Variants in EYS observed in about 807,000 individuals in gnomAD.
The protein encoded by EYS is EGF-like photoreceptor maintenance factor, also known as protein eyes shut homolog.
Under a neutral mutation model 282.1 loss-of-function variants are expected in EYS, and 250 were observed. The ratio of observed to expected loss-of-function variants is 0.89; its 90% CI spans 0.80 to 0.98. EYS has a LOEUF of 0.98. Ranked by LOEUF, EYS falls within the 50% of genes least tolerant of loss-of-function variation. EYS has a pLI of 0.00. For synonymous variants in EYS, 1,355 were observed against 1,282.9 expected, an observed-to-expected ratio of 1.06 and a Z score of -1.20; for missense variants, 4,016 against 3,709.0, an observed-to-expected ratio of 1.08 and a Z score of -2.15.
intron 32 of EYS, 106 bp downstream of exon 32, chr6:64,081,750 C>T: frequency 1.0e-6 from 1 of 975,038 alleles, no homozygotes; most frequent in Admixed American, 3.3e-5. Flanking sequence ...ATGCACTGGT[C>T]TGGAAAAATT....
chr6:64,031,141 T>C (rs945348064), intron 33 of EYS, among the ~76,000 whole-genome samples: 4 of 152,226 alleles, frequency 2.6e-5, no homozygotes, highest in African/African-American at 9.6e-5. Context: ...TCCCTCAGCT[T>C]GCGGGGAGGT....
chr6:64,742,122 C>A (rs1284837014), intron 22 of EYS, among the ~76,000 whole-genome samples: 3 of 152,100 alleles, frequency 2.0e-5, no homozygotes, highest in Non-Finnish European at 4.4e-5. Context: ...GTAACTCTTT[C>A]TTTCACCTAA....
At chr6:64,493,660 T>A (rs546100787) in intron 26 of EYS, among the ~76,000 whole-genome samples, 167 of 151,632 alleles carry the variant, frequency 1.1e-3, no homozygotes, top group Non-Finnish European at 2.0e-3. Flanking sequence ...TCTTTTTTTT[T>A]AATTATACTT....
rs376232956 is a variant in EYS at position 65,250,769 on chromosome 6, G to A, written c.2023+45094C>T. Among the ~76,000 whole-genome samples, 49 of 151,500 alleles carry A rather than the reference G, an allele frequency of 3.2e-4. 2 individuals are homozygous for A. In the East Asian group the frequency reaches 5.0e-3, roughly 16 times the overall value. ...TCAAAATAAGAGATAGATATTTTAA[G>A]TCCAAGAGATATATCCTTTTGCAAG... On this transcript the variant is annotated intron_variant, in intron 12 of 42. Transcript: ENST00000503581.
chr6:64,410,420 C>T (rs575367398), intron 28 of EYS, among the ~76,000 whole-genome samples: 22 of 152,224 alleles, frequency 1.4e-4, no homozygotes, highest in African/African-American at 5.1e-4. Context: ...TATTGGGAAT[C>T]TTCATGTCCA....
chr6:65,510,772 A>G (rs978613693), intron 2 of EYS, among the ~76,000 whole-genome samples: 1 of 152,228 alleles, frequency 6.6e-6, no homozygotes, highest in Admixed American at 6.5e-5. Context: ...TATCAAAATA[A>G]GGCATGTATG....
At chr6:64,323,723 A>G (rs557371493) in intron 29 of EYS, among the ~76,000 whole-genome samples, 2 of 152,232 alleles carry the variant, frequency 1.3e-5, no homozygotes, top group East Asian at 3.9e-4. Context: ...CTAAATGTCC[A>G]TCTACAAGAT....
intron 22 of EYS, among the ~76,000 whole-genome samples, chr6:64,651,447 G>A (rs1768556200): frequency 1.3e-5 from 2 of 152,008 alleles, no homozygotes; most frequent in Non-Finnish European, 2.9e-5. Context: ...AGAGGGAGAG[G>A]GAAGAGAGAA....
intron 14 of EYS, among the ~76,000 whole-genome samples, chr6:64,953,889 G>A (rs187818826): frequency 1.3e-5 from 2 of 151,978 alleles, no homozygotes; most frequent in Admixed American, 6.6e-5. Context: ...ACATGGTAGA[G>A]GAAGATAATA....
chr6:65,085,977 A>AT (rs1441116720), intron 12 of EYS, among the ~76,000 whole-genome samples: 9 of 149,274 alleles, frequency 6.0e-5, no homozygotes, highest in East Asian at 4.0e-4. Context: ...CTATAAAAAC[A>AT]TTTTTTTGTC....
chr6:63,777,248 A>G (rs1344060925), intron 40 of EYS, among the ~76,000 whole-genome samples: 1 of 152,138 alleles, frequency 6.6e-6, no homozygotes, highest in Admixed American at 6.6e-5. Context: ...TTTTAAAACT[A>G]TGCTTTCTTC....
At chr6:65,509,816 C>T (rs1766795293) in intron 2 of EYS, among the ~76,000 whole-genome samples, 1 of 152,032 alleles carries the variant, frequency 6.6e-6, no homozygotes, top group African/African-American at 2.4e-5. Flanking sequence ...GTTTGTTTCC[C>T]CACTGTAGAC....
chr6:64,618,154 A>T (rs1167675104), intron 23 of EYS, among the ~76,000 whole-genome samples: 1 of 152,192 alleles, frequency 6.6e-6, no homozygotes, highest in African/African-American at 2.4e-5. Flanking sequence ...GATTGTATGT[A>T]TTTTGTTTGG....
intron 31 of EYS, among the ~76,000 whole-genome samples, chr6:64,213,800 C>T (rs192052327): frequency 3.2e-4 from 48 of 152,090 alleles, no homozygotes; most frequent in Non-Finnish European, 5.3e-4. Context: ...TTTTATAATG[C>T]GAATGGGTTT....
At chr6:64,561,438 C>T (rs1031310781) in intron 26 of EYS, among the ~76,000 whole-genome samples, 1 of 152,042 alleles carries the variant, frequency 6.6e-6, no homozygotes, top group African/African-American at 2.4e-5. Flanking sequence ...ATAGTCTCCA[C>T]CCAAAAGCTC....
chr6:64,494,007 AGCT>A (rs1776814552), intron 26 of EYS, among the ~76,000 whole-genome samples: 1 of 151,586 alleles, frequency 6.6e-6, no homozygotes, highest in South Asian at 2.1e-4. Context: ...TTATTTTGTG[AGCT>A]GCATGGCCAA....
At chr6:64,377,250 G>A (rs778701495) in intron 29 of EYS, among the ~76,000 whole-genome samples, 23 of 152,132 alleles carry the variant, frequency 1.5e-4, no homozygotes, top group African/African-American at 2.2e-4. Context: ...CAAAAGGAGC[G>A]TCCATAGATA....
intron 22 of EYS, among the ~76,000 whole-genome samples, chr6:64,768,147 G>A (rs1773411314): frequency 6.6e-6 from 1 of 151,946 alleles, no homozygotes; most frequent in Non-Finnish European, 1.5e-5. Context: ...AAATAGCAAT[G>A]TATTAAACTA....
chr6:65,220,753 C>T (rs535317767), intron 12 of EYS, among the ~76,000 whole-genome samples: 1 of 151,996 alleles, frequency 6.6e-6, no homozygotes, highest in African/African-American at 2.4e-5. Flanking sequence ...CAGAGGAAGA[C>T]AGAAAGATGT....
Sources: allele counts gnomAD v4.1 joint callset (sites outside exome capture counted in the v4.1 genomes callset), GRCh38; gene constraint gnomAD v4.1.1; transcripts MANE v1.5; gene names NCBI Gene and HGNC (gene_info 2026-07-23, HGNC 2026-07-21).